Variants in PHTF2 observed in about 807,000 individuals in gnomAD.
PHTF2 encodes the protein putative homeodomain transcription factor 2, also known as protein PHTF2.
Under a neutral mutation model 101.2 loss-of-function variants are expected in PHTF2, and 60 were observed. That is an observed-to-expected ratio of 0.59 (90% CI 0.48 to 0.73). The LOEUF is 0.73. Ranked by LOEUF, PHTF2 falls within the 30% of genes least tolerant of loss-of-function variation. PHTF2 has a pLI of 0.00. For missense variants in PHTF2, 747 were observed against 908.7 expected (o/e 0.82, Z 2.29); for synonymous variants, 311 against 307.3 (o/e 1.01, Z -0.13).
chr7:77,869,344 G>A (rs1008109895), intron 3 of PHTF2, among the ~76,000 whole-genome samples: 1 of 152,022 alleles, frequency 6.6e-6, no homozygotes, highest in Non-Finnish European at 1.5e-5. Flanking sequence ...ACCCTCCTGT[G>A]CTATCAAACA....
intron 3 of PHTF2, among the ~76,000 whole-genome samples, chr7:77,877,908 C>A (rs1182531869): frequency 1.3e-5 from 2 of 152,130 alleles, no homozygotes. Flanking sequence ...AGTCTGGCTC[C>A]ACTTGAGTTG....
In PHTF2 at chr7:77,854,828, GTGTT is replaced by G. The variant is rs748168672; in HGVS notation, c.144_147del (p.Cys48Ter). The G allele has an allele frequency of 1.3e-6, 1 of 758,760 alleles. No individual in the cohort carries two copies. Among genetic ancestry groups the G allele is most frequent in the Non-Finnish European group, 2.4e-6 (1 of 414,418 alleles). The allele number at this position is 758,760 out of a possible 1,614,324, so 47.0% of individuals were successfully genotyped here. ...TCAAGGACCAAGGGCTCTTCATTCA[GTGTT>G]TGGTGAGTAATGCCAGGCCTGTTCT... On this transcript the variant is annotated frameshift_variant and splice_region_variant, in exon 3 of 20. Coordinates refer to ENST00000416283, the Ensembl canonical transcript of PHTF2. LOFTEE classifies it high-confidence loss of function.
chr7:77,942,715 C>A (rs199985778), exon 16 of PHTF2: 1 of 1,596,416 alleles, frequency 6.3e-7, no homozygotes. Context: ...AGGTCCTCAG[C>A]GATCAGTTGA....
At chr7:77,798,801 A>C (rs942924165) in exon 1 of PHTF2, 1 of 152,180 alleles carries the variant, frequency 6.6e-6, no homozygotes, top group East Asian at 1.9e-4. Flanking sequence ...CAGTGACTGC[A>C]GGCTCCGGCG....
chr7:77,950,702 T>C (rs1806461552), intron 17 of PHTF2, among the ~76,000 whole-genome samples: 1 of 152,160 alleles, frequency 6.6e-6, no homozygotes, highest in Non-Finnish European at 1.5e-5. Context: ...AATCAACCAC[T>C]TCCTCCAACT....
At chr7:77,920,611 G>T in intron 10 of PHTF2, 146 bp downstream of exon 9, 1 of 641,500 alleles carries the variant, frequency 1.6e-6, no homozygotes. Context: ...AACTGTAAAT[G>T]AGATAAAGTG....
intron 1 of PHTF2, among the ~76,000 whole-genome samples, chr7:77,818,374 T>A (rs1390633950): frequency 2.6e-5 from 4 of 152,224 alleles, no homozygotes; most frequent in Non-Finnish European, 4.4e-5. Flanking sequence ...TTTCTTTTAA[T>A]AGTTTTGTAG....
At chr7:77,834,511 G>T (rs1047375634) in intron 1 of PHTF2, among the ~76,000 whole-genome samples, 1 of 152,094 alleles carries the variant, frequency 6.6e-6, no homozygotes, top group Non-Finnish European at 1.5e-5. Context: ...TTGCCCCCAG[G>T]CTTGGGTGTA....
intron 2 of PHTF2, among the ~76,000 whole-genome samples, chr7:77,840,549 A>T (rs1348877751): frequency 6.6e-6 from 1 of 152,180 alleles, no homozygotes; most frequent in African/African-American, 2.4e-5. Context: ...GAGTGGATAA[A>T]ATTAGCATTT....
At chr7:77,823,645 A>G (rs1418960748) in intron 1 of PHTF2, among the ~76,000 whole-genome samples, 1 of 152,236 alleles carries the variant, frequency 6.6e-6, no homozygotes, top group African/African-American at 2.4e-5. Flanking sequence ...GGAGAAAGTT[A>G]TTTTAGACAA....
intron 2 of PHTF2, among the ~76,000 whole-genome samples, chr7:77,847,593 A>G (rs1377130679): frequency 2.6e-5 from 4 of 152,230 alleles, no homozygotes; most frequent in African/African-American, 9.7e-5. Context: ...TTATAGGTAC[A>G]TAGTAGGTTT....
intron 3 of PHTF2, among the ~76,000 whole-genome samples, chr7:77,884,785 GT>G (rs1799688061): frequency 6.6e-6 from 1 of 152,204 alleles, no homozygotes; most frequent in Non-Finnish European, 1.5e-5. Flanking sequence ...TGTAGTCCCA[GT>G]TACTCGGGAG....
At chr7:77,945,305 T>G (rs1805959987) in intron 16 of PHTF2, among the ~76,000 whole-genome samples, 1 of 152,192 alleles carries the variant, frequency 6.6e-6, no homozygotes, top group African/African-American at 2.4e-5. Flanking sequence ...GCCACTGTAC[T>G]TCAGCCTGGG....
intron 1 of PHTF2, among the ~76,000 whole-genome samples, chr7:77,825,924 A>T (rs1794667317): frequency 6.6e-6 from 1 of 152,192 alleles, no homozygotes; most frequent in Non-Finnish European, 1.5e-5. Flanking sequence ...TAAAATAGAG[A>T]CTTCAACAAA....
exon 11 of PHTF2, chr7:77,922,738 A>G (rs1217819132): frequency 6.2e-7 from 1 of 1,606,890 alleles, no homozygotes; most frequent in Non-Finnish European, 8.5e-7. Flanking sequence ...GTTCTTCGGA[A>G]TAGAAAGTCA....
At chr7:77,833,661 C>T (rs1010191401) in intron 1 of PHTF2, among the ~76,000 whole-genome samples, 2 of 152,036 alleles carry the variant, frequency 1.3e-5, no homozygotes, top group African/African-American at 4.8e-5. Flanking sequence ...ATATACTTCT[C>T]AGCAGGATGT....
intron 1 of PHTF2, among the ~76,000 whole-genome samples, chr7:77,816,330 C>T (rs1419560315): frequency 2.0e-5 from 3 of 152,172 alleles, no homozygotes; most frequent in African/African-American, 7.2e-5. Flanking sequence ...CTGCCTCGGC[C>T]TCCCAAAGTG....
chr7:77,917,359 A>T (rs997393683), intron 9 of PHTF2, among the ~76,000 whole-genome samples: 17 of 152,210 alleles, frequency 1.1e-4, no homozygotes, highest in Non-Finnish European at 1.6e-4. Context: ...CCAAAATCTG[A>T]GTTCAAGATA....
intron 7 of PHTF2, among the ~76,000 whole-genome samples, chr7:77,905,619 C>T (rs1017990266): frequency 1.3e-5 from 2 of 152,048 alleles, no homozygotes; most frequent in Non-Finnish European, 2.9e-5. Flanking sequence ...CTACCTCTAC[C>T]TCCATAGCTG....
Sources: gnomAD v4.1 joint callset for allele counts (sites outside exome capture counted in the v4.1 genomes callset) on GRCh38, gnomAD v4.1.1 for gene constraint, MANE v1.5 for transcripts, NCBI Gene and HGNC (gene_info 2026-07-23, HGNC 2026-07-21) for gene names.